Variants in THADA observed in about 807,000 individuals in gnomAD.
THADA encodes the protein THADA armadillo repeat containing.
In THADA, 213 loss-of-function variants were observed where a neutral mutation model predicts 219.8. That is an observed-to-expected ratio of 0.97 (90% CI 0.87 to 1.09). The LOEUF is 1.09. Ranked by LOEUF, THADA falls within the 50% of genes least tolerant of loss-of-function variation. THADA has a pLI of 0.00. For missense variants in THADA, 2,956 were observed against 2,311.3 expected (o/e 1.28, Z -5.72); for synonymous variants, 1,018 against 828.9 (o/e 1.23, Z -3.92).
At chr2:43,292,802 T>A (rs571287885) in intron 32 of THADA, 32 bp downstream of exon 32, 1 of 1,591,284 alleles carries the variant, frequency 6.3e-7, no homozygotes, top group Non-Finnish European at 8.5e-7. Context: ...GTGGGGAGTG[T>A]AAAGGGCCAG....
At chr2:43,296,847 C>A (rs1215931173) in intron 31 of THADA, among the ~76,000 whole-genome samples, 1 of 149,900 alleles carries the variant, frequency 6.7e-6, no homozygotes. Flanking sequence ...TAACGGCCGC[C>A]CGGGAGGCAG....
chr2:43,333,349 C>G (rs1666013561), intron 30 of THADA: 1 of 151,970 alleles, frequency 6.6e-6, no homozygotes, highest in Non-Finnish European at 1.5e-5. Context: ...CTGCATGAGG[C>G]TCATGTGACT....
intron 26 of THADA, among the ~76,000 whole-genome samples, chr2:43,471,705 T>C (rs1221122200): frequency 6.6e-6 from 1 of 152,150 alleles, no homozygotes; most frequent in Non-Finnish European, 1.5e-5. Flanking sequence ...CTTACTTGAG[T>C]TATACTAGAA....
chr2:43,230,884 T>C lies in THADA; in HGVS notation c.*64A>G, dbSNP rs1667332847. ...AATTTTTGAATTTATGTTCAACATG[T>C]TTCCTGCAGATTTAGTGGAGGAAAA... is the stretch of plus-strand genomic sequence containing the variant. On this transcript the variant is annotated 3_prime_UTR_variant, in exon 38 of 38. Transcript: ENST00000405975. The C allele has an allele frequency of 6.6e-7, 1 of 1,512,032 alleles. No individual in the cohort carries two copies. The highest frequency in any genetic ancestry group is 8.9e-7 in the Non-Finnish European group (1 of 1,128,606). The allele number at this position is 1,512,032 out of a possible 1,614,324, so 93.7% of individuals were successfully genotyped here. A position where few individuals can be genotyped will look rare whatever the true frequency, so the allele number is the denominator to read the frequency against.
chr2:43,315,140 C>G (rs1475573404), intron 31 of THADA, among the ~76,000 whole-genome samples: 1 of 152,226 alleles, frequency 6.6e-6, no homozygotes, highest in Non-Finnish European at 1.5e-5. Context: ...AAAAGTTTCC[C>G]TGAAATTGTT....
chr2:43,523,222 G>A (rs1435188950), intron 22 of THADA, among the ~76,000 whole-genome samples: 2 of 151,958 alleles, frequency 1.3e-5, no homozygotes, highest in East Asian at 3.9e-4. Flanking sequence ...AAAATTAGCT[G>A]GGCATGGTGG....
chr2:43,480,034 C>T (rs2104993917), intron 26 of THADA, among the ~76,000 whole-genome samples: 1 of 152,316 alleles, frequency 6.6e-6, no homozygotes, highest in East Asian at 1.9e-4. Context: ...AAAATAAAAT[C>T]TAAAGCCAAC....
chr2:43,463,150 C>A (rs1332314579), intron 26 of THADA: 4 of 152,186 alleles, frequency 2.6e-5, no homozygotes, highest in African/African-American at 9.7e-5. Flanking sequence ...AGAAAATATT[C>A]TCTCTCTCTT....
intron 7 of THADA, among the ~76,000 whole-genome samples, chr2:43,582,288 G>A (rs761074238): frequency 1.3e-5 from 2 of 152,174 alleles, no homozygotes; most frequent in African/African-American, 2.4e-5. Flanking sequence ...TTTGAGGTCT[G>A]GAGTTTGGGA....
intron 28 of THADA, among the ~76,000 whole-genome samples, chr2:43,417,070 G>T (rs534154989): frequency 3.7e-5 from 5 of 133,592 alleles, no homozygotes; most frequent in Non-Finnish European, 4.7e-5. Flanking sequence ...GAGACGGAGT[G>T]GCTGTTTTCT....
intron 21 of THADA, among the ~76,000 whole-genome samples, chr2:43,538,721 A>AAACCAGGTAAC (rs928261539): frequency 6.6e-6 from 1 of 152,206 alleles, no homozygotes; most frequent in African/African-American, 2.4e-5. Context: ...AATCTTGGGC[A>AAACCAGGTAAC]AACCAGGTAA....
chr2:43,586,258 C>A, intron 7 of THADA, 143 bp downstream of exon 7: 1 of 691,600 alleles, frequency 1.4e-6, no homozygotes, highest in Non-Finnish European at 2.3e-6. Context: ...CAGCAAGACC[C>A]CATCTCAAAA....
intron 28 of THADA, among the ~76,000 whole-genome samples, chr2:43,420,442 C>T (rs1456132169): frequency 1.3e-5 from 2 of 152,216 alleles, no homozygotes; most frequent in African/African-American, 2.4e-5. Context: ...TGATTAGATT[C>T]TAACTTCTAG....
intron 20 of THADA, among the ~76,000 whole-genome samples, chr2:43,548,191 A>AC (rs1696291287): frequency 6.6e-6 from 1 of 152,110 alleles, no homozygotes; most frequent in Non-Finnish European, 1.5e-5. Flanking sequence ...ATTTTTGTGA[A>AC]CCGCGAATGC....
intron 28 of THADA, among the ~76,000 whole-genome samples, chr2:43,414,761 C>T (rs762512980): frequency 6.6e-6 from 1 of 152,188 alleles, no homozygotes; most frequent in Admixed American, 6.5e-5. Context: ...TCTCTGATAA[C>T]AATCTGGCAC....
chr2:43,576,945 C>T, intron 10 of THADA, 77 bp downstream of exon 10: 1 of 1,314,648 alleles, frequency 7.6e-7, no homozygotes, highest in Non-Finnish European at 1.1e-6. Flanking sequence ...AGGCACAAGC[C>T]ACTCCAGCTT....
chr2:43,497,499 A>C (rs961756071), intron 25 of THADA, among the ~76,000 whole-genome samples: 5 of 152,202 alleles, frequency 3.3e-5, no homozygotes, highest in Admixed American at 2.6e-4. Context: ...GAACACATAG[A>C]CACAGAAAGG....
intron 18 of THADA, 119 bp downstream of exon 18, chr2:43,552,085 T>G: frequency 6.6e-7 from 1 of 1,517,500 alleles, no homozygotes; most frequent in Non-Finnish European, 8.8e-7. Flanking sequence ...TTAAATCTGA[T>G]TTTCAATTTT....
chr2:43,481,563 T>C (rs769619784), intron 26 of THADA, among the ~76,000 whole-genome samples: 1 of 152,242 alleles, frequency 6.6e-6, no homozygotes, highest in South Asian at 2.1e-4. Context: ...CTACCATTTA[T>C]AAATTTCTAA....
Sources: gnomAD v4.1 joint callset for allele counts (sites outside exome capture counted in the v4.1 genomes callset) on GRCh38, gnomAD v4.1.1 for gene constraint, MANE v1.5 for transcripts, NCBI Gene and HGNC (gene_info 2026-07-23, HGNC 2026-07-21) for gene names.